Variants in DCTN5 observed in about 807,000 individuals in gnomAD.
DCTN5 encodes the protein dynactin 4.
Under a neutral mutation model 23.5 loss-of-function variants are expected in DCTN5, and 14 were observed. That is an observed-to-expected ratio of 0.60 (90% CI 0.39 to 0.93). DCTN5 has a LOEUF of 0.93. Ranked by LOEUF, DCTN5 falls within the 40% of genes least tolerant of loss-of-function variation. The pLI is 0.00. For synonymous variants in DCTN5, 67 were observed against 79.6 expected (o/e 0.84, Z 0.84); for missense variants, 156 against 225.9 (o/e 0.69, Z 1.98).
chr16:23,666,397 T>G (rs943131393), intron 5 of DCTN5: 4 of 153,222 alleles, frequency 2.6e-5, no homozygotes, highest in Non-Finnish European at 4.4e-5. Context: ...GCTGATAGAA[T>G]GCTCACAAGT....
Position 23,675,808 on chromosome 16 carries a change from G to A in DCTN5, c.*8664G>A, listed in dbSNP as rs890949817. On this transcript the variant is annotated 3_prime_UTR_variant, in exon 6 of 6. Coordinates refer to ENST00000300087, the MANE Select transcript of DCTN5 (RefSeq NM_032486.4). The stretch of plus-strand genomic sequence containing the variant: ...GTCTAGCTTCTATGCTTTCCATGAA[G>A]ATCTCCCACAAATGTCATCCATGCT... 1 of 152,178 alleles carries A rather than the reference G, an allele frequency of 6.6e-6. No individual in the cohort carries two copies. The highest frequency in any genetic ancestry group is 2.4e-5 in the African/African-American group (1 of 41,442). The allele number at this position is 152,178 out of a possible 1,614,324, so 9.4% of individuals were successfully genotyped here.
intron 2 of DCTN5, among the ~76,000 whole-genome samples, chr16:23,645,183 G>T (rs1967431898): frequency 7.7e-6 from 1 of 130,330 alleles, no homozygotes; most frequent in Non-Finnish European, 1.6e-5. Context: ...TGCCCAGGCT[G>T]GAGTGCAATG....
chr16:23,661,935 G>A (rs1158695261), intron 4 of DCTN5, among the ~76,000 whole-genome samples: 3 of 151,782 alleles, frequency 2.0e-5, no homozygotes, highest in Non-Finnish European at 4.4e-5. Context: ...GGGATTTGGG[G>A]CCAGGTGTGG....
Position 23,667,752 on chromosome 16 carries a change from A to G in DCTN5, c.*608A>G, listed in dbSNP as rs1390430090. ...AAAATGACCTTAGCTGTCCTAGGAT[A>G]GTTAGTAAAAGACTTTTTAGCATTT... On this transcript the variant is annotated 3_prime_UTR_variant, in exon 6 of 6. Coordinates refer to ENST00000300087, the MANE Select transcript of DCTN5 (RefSeq NM_032486.4). 1 of 152,554 alleles carries G rather than the reference A, an allele frequency of 6.6e-6. No individual in the cohort carries two copies. Among genetic ancestry groups the G allele is most frequent in the Non-Finnish European group, 1.5e-5 (1 of 68,298 alleles). The allele number at this position is 152,554 out of a possible 1,614,324, so 9.5% of individuals were successfully genotyped here.
At position 23,670,897 on chromosome 16, in the gene DCTN5, C is replaced by A. The variant is rs1035003152; in HGVS notation, c.*3753C>A. ...CACAGAGAAGAGAGACACCATCACTCATTTATTCATTTAACAAGTGCTTTC... is the reference window on the plus strand; with the variant it reads ...CACAGAGAAGAGAGACACCATCACTAATTTATTCATTTAACAAGTGCTTTC... On this transcript the variant is annotated 3_prime_UTR_variant, in exon 6 of 6. Coordinates refer to ENST00000300087, the MANE Select transcript of DCTN5 (RefSeq NM_032486.4). 7 of 152,206 alleles carry A rather than the reference C, an allele frequency of 4.6e-5. No homozygotes were observed. 9.4% of individuals were successfully genotyped at this position (152,206 alleles called of 1,614,324 possible). A position where few individuals can be genotyped will look rare whatever the true frequency, so the allele number is the denominator to read the frequency against.
chr16:23,654,174 A>T (rs1226555042), intron 2 of DCTN5, among the ~76,000 whole-genome samples: 1 of 152,202 alleles, frequency 6.6e-6, no homozygotes, highest in Non-Finnish European at 1.5e-5. Context: ...CCATTACTGG[A>T]TATATACCCA....
intron 2 of DCTN5, among the ~76,000 whole-genome samples, chr16:23,647,850 G>A (rs530128689): frequency 6.1e-4 from 93 of 152,008 alleles, no homozygotes; most frequent in Non-Finnish European, 1.8e-4. Flanking sequence ...AATATTTTGG[G>A]TATACAAAAG....
chr16:23,648,551 T>C (rs1967525918), intron 2 of DCTN5, among the ~76,000 whole-genome samples: 1 of 151,838 alleles, frequency 6.6e-6, no homozygotes, highest in African/African-American at 2.4e-5. Context: ...GGTTTAACCA[T>C]GTTGGCCAGG....
rs1269647032 is a variant in DCTN5, at chr16:23,674,930, C to T, written c.*7786C>T. On this transcript the variant is annotated 3_prime_UTR_variant, in exon 6 of 6. Transcript: ENST00000300087. ...CTGTGTCCTTGTATGGTCCCTCTGT[C>T]TGGGTGTCTGTGTCCTAATCTTCTC... 2.0e-5 allele frequency: 3 copies of T among 152,100 alleles called. No individual in the cohort carries two copies. The highest frequency in any genetic ancestry group is 4.4e-5 in the Non-Finnish European group (3 of 68,042). 9.4% of individuals were successfully genotyped at this position (152,100 alleles called of 1,614,324 possible).
At chr16:23,655,824 C>T (rs1379208453) in intron 2 of DCTN5, among the ~76,000 whole-genome samples, 2 of 152,172 alleles carry the variant, frequency 1.3e-5, no homozygotes, top group East Asian at 1.9e-4. Flanking sequence ...GAATTACAGG[C>T]ATGAGCCACC....
In DCTN5 at chr16:23,645,100, TATATATATATATATATATATATATA is replaced by T. The variant is rs1350925185; in HGVS notation, c.117+2078_117+2102del. Among the ~76,000 whole-genome samples, 74 of 24,700 alleles carry T rather than the reference TATATATATATATATATATATATATA, an allele frequency of 3.0e-3. 3 individuals are homozygous for T. Among genetic ancestry groups the T allele is most frequent in the African/African-American group, 0.014 (69 of 4,958 alleles). 16.2% of individuals were successfully genotyped at this position (24,700 alleles called of 152,430 possible). On this transcript the variant is annotated intron_variant, in intron 2 of 5. Coordinates refer to ENST00000300087, the MANE Select transcript of DCTN5 (RefSeq NM_032486.4). ...CAGCCTAACTATATATATATATATA[TATATATATATATATATATATATATA>T]TATATATATATATTTTTTTTTTTTT...
intron 2 of DCTN5, among the ~76,000 whole-genome samples, chr16:23,657,263 G>T (rs1484491366): frequency 6.6e-6 from 1 of 152,134 alleles, no homozygotes; most frequent in African/African-American, 2.4e-5. Flanking sequence ...CAAGACCAGC[G>T]TGGGCAACAT....
chr16:23,657,338 C>T, intron 2 of DCTN5: 1 of 255,044 alleles, frequency 3.9e-6, no homozygotes. Context: ...CACCTGTAGT[C>T]CCAGCTGCAC....
At position 23,673,913 on chromosome 16, in the gene DCTN5, C is replaced by A. The variant is rs1161046063; in HGVS notation, c.*6769C>A. Reference sequence around the variant, plus strand: ...AAAATCAAATGTCTCCCCTTAGAGGCTGATGATTGTCTAGTCTAATATGCA... The same window carrying A: ...AAAATCAAATGTCTCCCCTTAGAGGATGATGATTGTCTAGTCTAATATGCA... On this transcript the variant is annotated 3_prime_UTR_variant, in exon 6 of 6. Coordinates refer to ENST00000300087, the MANE Select transcript of DCTN5 (RefSeq NM_032486.4). 1 of 152,134 alleles carries A rather than the reference C, an allele frequency of 6.6e-6. No individual in the cohort carries two copies. The highest frequency in any genetic ancestry group is 1.5e-5 in the Non-Finnish European group (1 of 68,018). The allele number at this position is 152,134 out of a possible 1,614,324, so 9.4% of individuals were successfully genotyped here.
chr16:23,662,720 C>G (rs1180773302), intron 4 of DCTN5, among the ~76,000 whole-genome samples: 1 of 152,184 alleles, frequency 6.6e-6, no homozygotes, highest in Non-Finnish European at 1.5e-5. Context: ...TAAAGTTCAT[C>G]TCTCCCCTCA....
intron 2 of DCTN5, among the ~76,000 whole-genome samples, chr16:23,647,601 A>G (rs1447461984): frequency 6.6e-6 from 1 of 151,338 alleles, no homozygotes; most frequent in Admixed American, 6.6e-5. Flanking sequence ...TCCACTTCCC[A>G]GGTTCAAGCA....
chr16:23,642,872 A>G lies in DCTN5; in HGVS notation c.49-83A>G, dbSNP rs1307265413. 20 of 1,257,586 alleles carry G rather than the reference A, an allele frequency of 1.6e-5. No individual in the cohort carries two copies. The East Asian group carries it at 3.5e-4, about 22-fold the overall frequency. 77.9% of individuals were successfully genotyped at this position (1,257,586 alleles called of 1,614,324 possible). On this transcript the variant is annotated intron_variant, in intron 1 of 5. Transcript: ENST00000300087. ...ACCCCACTTTATGTTTTTTTCTCTCAAATGGGAGCTTTCTTGATGGAAACC... is the reference window on the plus strand; with the variant it reads ...ACCCCACTTTATGTTTTTTTCTCTCGAATGGGAGCTTTCTTGATGGAAACC...
Position 23,658,573 on chromosome 16 carries a change from G to A in DCTN5, c.184G>A (p.Val62Ile). 6.2e-7 allele frequency: 1 copy of A among 1,614,224 alleles called. No homozygotes were observed. Among genetic ancestry groups the A allele is most frequent in the African/African-American group, 1.3e-5 (1 of 75,056 alleles). Reference protein sequence around the residue: ...LANVRVGRHCVVKSRSVIRPP... With the variant: ...LANVRVGRHCIVKSRSVIRPP... ...AAATGTAAGAGTTGGACGTCATTGT[G>A]TTGTGAAAAGTCGTAGTGTCATAAG... The change falls in exon 3 of 6, where the codon GTT (valine) becomes ATT (isoleucine). Residue 62 changes from valine (V) to isoleucine (I), a missense_variant. Coordinates refer to ENST00000300087, the MANE Select transcript of DCTN5 (RefSeq NM_032486.4).
At chr16:23,650,685 G>T in intron 2 of DCTN5, 1 of 1,417,556 alleles carries the variant, frequency 7.1e-7, no homozygotes, top group Non-Finnish European at 9.6e-7. Flanking sequence ...CCTCTTGGTG[G>T]AAAGTTACTT....
Sources: allele counts gnomAD v4.1 joint callset (sites outside exome capture counted in the v4.1 genomes callset), GRCh38; gene constraint gnomAD v4.1.1; transcripts MANE v1.5; gene names NCBI Gene and HGNC (gene_info 2026-07-23, HGNC 2026-07-21).